Variants in SFTPA2 observed in about 807,000 individuals in gnomAD.
SFTPA2 encodes the protein pulmonary surfactant-associated protein A2.
SFTPA2 carries 21 observed loss-of-function variants against 20.3 expected under a neutral mutation model. The observed-to-expected ratio is 1.03, with a 90% CI of 0.73 to 1.49. SFTPA2 has a LOEUF of 1.49. Ranked by LOEUF, SFTPA2 falls within the 40% of genes most tolerant of loss-of-function variation. SFTPA2 has a pLI of 0.00. For synonymous variants in SFTPA2, 116 were observed against 118.7 expected (o/e 0.98, Z 0.15); for missense variants, 302 against 314.8 (o/e 0.96, Z 0.31).
intron 4 of SFTPA2, 187 bp from the exon 5 acceptor site, chr10:79,558,316 T>G (rs969171828): frequency 1.2e-4 from 110 of 922,208 alleles, no homozygotes; most frequent in Non-Finnish European, 1.4e-4. Context: ...GGTCCCCTAT[T>G]CTTTAGTGAA....
chr10:79,560,157 G>A (rs1859114685), intron 1 of SFTPA2, 159 bp from the exon 2 acceptor site: 2 of 345,756 alleles, frequency 5.8e-6, no homozygotes, highest in South Asian at 2.0e-4. Flanking sequence ...CCCTGGTAGG[G>A]ATGGATCTGG....
chr10:79,558,304 G>GT (rs989366492), intron 4 of SFTPA2, 175 bp from the exon 5 acceptor site: 1 of 959,074 alleles, frequency 1.0e-6, no homozygotes, highest in Non-Finnish European at 1.2e-6. Context: ...TCCACACCCC[G>GT]TGGTCCCCTA....
At position 79,556,495 on chromosome 10, in the gene SFTPA2, TG is replaced by T; in HGVS notation, c.*713del. The stretch of plus-strand genomic sequence containing the variant: ...AAAGTTACTCGGGTCATGTCTGCAG[TG>T]GGGGGCTCTTCCCTAGAGGCCTTGG... On this transcript the variant is annotated 3_prime_UTR_variant, in exon 6 of 6. Coordinates refer to ENST00000372325, the MANE Select transcript of SFTPA2 (RefSeq NM_001098668.4). 2 of 154,318 alleles carry T rather than the reference TG, an allele frequency of 1.3e-5. No homozygotes were observed. The allele number at this position is 154,318 out of a possible 1,614,324, so 9.6% of individuals were successfully genotyped here. A position where few individuals can be genotyped will look rare whatever the true frequency, so the allele number is the denominator to read the frequency against.
rs1176023674 is a variant in SFTPA2, at chr10:79,558,093, G to A, written c.329C>T (p.Thr110Ile). The A allele has an allele frequency of 4.3e-6, 7 of 1,614,088 alleles. No individual in the cohort carries two copies. The East Asian group carries it at 1.3e-4, about 31-fold the overall frequency. The change falls in exon 5 of 6, where the codon ACA (threonine) becomes ATA (isoleucine). Residue 110 changes from threonine to isoleucine, a missense_variant. Coordinates refer to ENST00000372325, the MANE Select transcript of SFTPA2 (RefSeq NM_001098668.4). ...GATTTGATGTCTGAAGTCGTGGAGT[G>A]TGGCTTGGAGCTCCTCATCTAGATG... Reference protein sequence around the residue: ...PAHLDEELQATLHDFRHQILQ... With the variant: ...PAHLDEELQAILHDFRHQILQ...
Position 79,558,871 on chromosome 10 carries a change from C to T in SFTPA2, c.292+15G>A, listed in dbSNP as rs1476338467. 8.1e-6 allele frequency: 13 copies of T among 1,614,096 alleles called. No homozygotes were observed. The highest frequency in any genetic ancestry group is 2.7e-5 in the African/African-American group (2 of 75,002). The stretch of plus-strand genomic sequence containing the variant: ...TGCCCATGTTTCCACTGCCCACCTG[C>T]CCCGCCCTGCTCACCTGGAGGGCCT... On this transcript the variant is annotated intron_variant, in intron 4 of 5. Coordinates refer to ENST00000372325, the MANE Select transcript of SFTPA2 (RefSeq NM_001098668.4).
chr10:79,557,129 A>C lies in SFTPA2; in HGVS notation c.*80T>G, dbSNP rs1295275792. 6.2e-7 allele frequency: 1 copy of C among 1,611,688 alleles called. No homozygotes were observed. The highest frequency in any genetic ancestry group is 8.5e-7 in the Non-Finnish European group (1 of 1,178,370). On this transcript the variant is annotated 3_prime_UTR_variant, in exon 6 of 6. Transcript: ENST00000372325. ...AATTCTGTTGAAAGGGAGTTCTAGC[A>C]TCTCACAGACCAAGTGGATCCTGGG... is the stretch of plus-strand genomic sequence containing the variant.
chr10:79,559,074 A>G lies in SFTPA2; in HGVS notation c.173-69T>C, dbSNP rs1433568798. The G allele has an allele frequency of 7.4e-6, 12 of 1,613,656 alleles. No individual in the cohort carries two copies. In the East Asian group the frequency reaches 2.5e-4, roughly 33 times the overall value. ...AACTGGTTGGAGCTAGTGAGACTCGATGCCCATTATCACCGGGGCTGGCTC... is the reference window on the plus strand; with the variant it reads ...AACTGGTTGGAGCTAGTGAGACTCGGTGCCCATTATCACCGGGGCTGGCTC... On this transcript the variant is annotated intron_variant, in intron 3 of 5. Coordinates refer to ENST00000372325, the MANE Select transcript of SFTPA2 (RefSeq NM_001098668.4).
At chr10:79,557,670 C>T in intron 5 of SFTPA2, 85 bp from the exon 6 acceptor site, 1 of 1,595,614 alleles carries the variant, frequency 6.3e-7, no homozygotes. Context: ...CTACCAGATT[C>T]TCCCCAGTCT....
rs899586722 is a variant in SFTPA2 at position 79,559,504 on chromosome 10, C to T, written c.-21G>A. Reference sequence around the variant, plus strand: ...CACATGGCTCTGGGTCCAGTCGCTGCTCCTGCCGGAGGGATGGCCGTGAGC... The same window carrying T: ...CACATGGCTCTGGGTCCAGTCGCTGTTCCTGCCGGAGGGATGGCCGTGAGC... On this transcript the variant is annotated splice_region_variant and 5_prime_UTR_variant, in exon 3 of 6. Coordinates refer to ENST00000372325, the MANE Select transcript of SFTPA2 (RefSeq NM_001098668.4). 5 of 1,607,200 alleles carry T rather than the reference C, an allele frequency of 3.1e-6. No individual in the cohort carries two copies. The highest frequency in any genetic ancestry group is 1.7e-4 in the Middle Eastern group (1 of 5,926).
intron 1 of SFTPA2, 176 bp downstream of exon 1, chr10:79,560,188 T>TGA (rs1287681361): frequency 5.0e-6 from 1 of 200,162 alleles, no homozygotes; most frequent in African/African-American, 2.4e-5. Context: ...TATCAAAGCA[T>TGA]GAGGGTCTTT....
chr10:79,558,589 TC>T (rs1276577605), intron 4 of SFTPA2, among the ~76,000 whole-genome samples: 1 of 152,032 alleles, frequency 6.6e-6, no homozygotes, highest in Non-Finnish European at 1.5e-5. Flanking sequence ...AGGGCCTCCA[TC>T]CCAGGACATG....
chr10:79,558,424 C>T (rs927719768), intron 4 of SFTPA2, among the ~76,000 whole-genome samples: 3 of 152,090 alleles, frequency 2.0e-5, no homozygotes, highest in South Asian at 2.1e-4. Flanking sequence ...GTCCCTCTCC[C>T]GCACCCTCCA....
chr10:79,559,886 C>G, intron 2 of SFTPA2, 83 bp downstream of exon 2: 1 of 1,384,030 alleles, frequency 7.2e-7, no homozygotes, highest in Non-Finnish European at 9.4e-7. Context: ...AAAACCTGCC[C>G]TGTCCCTCCC....
intron 2 of SFTPA2, 165 bp downstream of exon 2, chr10:79,559,804 G>C (rs922195627): frequency 7.1e-7 from 1 of 1,413,612 alleles, no homozygotes; most frequent in African/African-American, 1.5e-5. Flanking sequence ...CTTTCTTTCA[G>C]TGCCTCACTA....
At chr10:79,559,122 T>C (rs898212716) in intron 3 of SFTPA2, 117 bp from the exon 4 acceptor site, 5 of 1,605,998 alleles carry the variant, frequency 3.1e-6, no homozygotes, top group Non-Finnish European at 3.4e-6. Context: ...GTGGGCACTA[T>C]GAGGACAGAC....
intron 4 of SFTPA2, 49 bp downstream of exon 4, chr10:79,558,837 A>T: frequency 6.2e-7 from 1 of 1,613,608 alleles, no homozygotes; most frequent in Non-Finnish European, 8.5e-7. Flanking sequence ...AACTGACTTC[A>T]GGTCGCTGTG....
intron 5 of SFTPA2, among the ~76,000 whole-genome samples, 196 bp downstream of exon 5, chr10:79,557,856 T>C (rs1487835112): frequency 1.3e-5 from 2 of 152,382 alleles, no homozygotes; most frequent in African/African-American, 2.4e-5. Flanking sequence ...ACTTGCTTTC[T>C]TATGAAATGG....
chr10:79,556,773 A>G lies in SFTPA2; in HGVS notation c.*436T>C. ...CTCTCTGTCATTATGCTTGGCCGGT[A>G]CTGCTCATCCTGATGGCACTGGGCA... On this transcript the variant is annotated 3_prime_UTR_variant, in exon 6 of 6. Transcript: ENST00000372325. 3.4e-6 allele frequency: 1 copy of G among 298,336 alleles called. No individual in the cohort carries two copies. Among genetic ancestry groups the G allele is most frequent in the Non-Finnish European group, 6.2e-6 (1 of 160,208 alleles). The allele number at this position is 298,336 out of a possible 1,614,324, so 18.5% of individuals were successfully genotyped here.
chr10:79,559,506 C>T lies in SFTPA2; in HGVS notation c.-23G>A, dbSNP rs777360215. The T allele has an allele frequency of 4.7e-5, 75 of 1,606,914 alleles. No homozygotes were observed. The highest frequency in any genetic ancestry group is 6.2e-5 in the Non-Finnish European group (73 of 1,174,474). On this transcript the variant is annotated splice_region_variant and 5_prime_UTR_variant, in exon 3 of 6. Transcript: ENST00000372325. ...CATGGCTCTGGGTCCAGTCGCTGCT[C>T]CTGCCGGAGGGATGGCCGTGAGCCC... is the stretch of plus-strand genomic sequence containing the variant.
Sources: allele counts gnomAD v4.1 joint callset (sites outside exome capture counted in the v4.1 genomes callset), GRCh38; gene constraint gnomAD v4.1.1; transcripts MANE v1.5; gene names NCBI Gene and HGNC (gene_info 2026-07-23, HGNC 2026-07-21).